Variants in TTC23 observed in about 807,000 individuals in gnomAD.
TTC23 encodes the protein tetratricopeptide repeat domain 23.
In TTC23, 58 loss-of-function variants were observed where a neutral mutation model predicts 55.1. The observed-to-expected ratio is 1.05, with a 90% CI of 0.85 to 1.31. The LOEUF is 1.31. Among genes scored for constraint, TTC23 ranks in the 50% most tolerant of loss-of-function variants. The pLI is 0.00. For synonymous variants in TTC23, 203 were observed against 199.9 expected, an observed-to-expected ratio of 1.02 and a Z score of -0.13; for missense variants, 516 against 534.4, an observed-to-expected ratio of 0.97 and a Z score of 0.34.
chr15:99,178,321 AATCCCT>A (rs1200850885), intron 9 of TTC23, among the ~76,000 whole-genome samples: 1 of 152,226 alleles, frequency 6.6e-6, no homozygotes, highest in Non-Finnish European at 1.5e-5. Flanking sequence ...TCAGAAACTC[AATCCCT>A]AATGTAATTT....
intron 8 of TTC23, among the ~76,000 whole-genome samples, chr15:99,216,104 T>A (rs1259683720): frequency 6.6e-6 from 1 of 152,180 alleles, no homozygotes; most frequent in Non-Finnish European, 1.5e-5. Context: ...AGGATATATA[T>A]AACAATGCAA....
Position 99,161,836 on chromosome 15 carries a change from C to G in TTC23, c.897G>C (p.Met299Ile). The G allele has an allele frequency of 1.2e-6, 2 of 1,611,584 alleles. No homozygotes were observed. The highest frequency in any genetic ancestry group is 2.2e-5 in the South Asian group (2 of 90,396). Reference protein sequence around the residue: ...DVAEQYFQESMAHLKDSEGMG... With the variant: ...DVAEQYFQESIAHLKDSEGMG... Reference sequence around the variant, plus strand: ...TCCCTTCAGAATCCTTAAGATGAGCCATGCTCTCTTGAAAATACTGCTCAG... The same window carrying G: ...TCCCTTCAGAATCCTTAAGATGAGCGATGCTCTCTTGAAAATACTGCTCAG... The change falls in exon 11 of 14, where the codon ATG (methionine) becomes ATC (isoleucine). Residue 299 changes from methionine to isoleucine, a missense_variant. Met to Ile is a conservative substitution (Grantham distance 10). Transcript: ENST00000394132.
rs772409756 is a variant in TTC23 at position 99,228,608 on chromosome 15, T to A, written c.105A>T (p.Thr35=). The change falls in exon 5 of 14, where the codon ACA becomes ACT. Residue 35 remains threonine (T), a synonymous_variant. Coordinates refer to ENST00000394132, the MANE Select transcript of TTC23 (RefSeq NM_001288615.3). ...TCTCTCGAGGAGGCTGGAATAGTGC[T>A]GTCTGAAGCAGCTTGTTTTGGAACT... The part of the protein sequence containing the change: ...RKKFQNKLLQ[T]ALFQPPREKL... The A allele has an allele frequency of 6.2e-7, 1 of 1,614,114 alleles. No individual in the cohort carries two copies. Among genetic ancestry groups the A allele is most frequent in the Non-Finnish European group, 8.5e-7 (1 of 1,179,978 alleles).
intron 12 of TTC23, among the ~76,000 whole-genome samples, chr15:99,152,063 G>A (rs1157312913): frequency 1.3e-5 from 2 of 152,192 alleles, no homozygotes; most frequent in African/African-American, 4.8e-5. Flanking sequence ...GAGGTGACTG[G>A]ATCCTACAGG....
chr15:99,144,113 A>G (rs2068551324), intron 12 of TTC23, among the ~76,000 whole-genome samples: 1 of 152,238 alleles, frequency 6.6e-6, no homozygotes, highest in Non-Finnish European at 1.5e-5. Flanking sequence ...TCATTCGGAA[A>G]GCTGGGGTAG....
chr15:99,178,247 T>G (rs1207925979), intron 9 of TTC23, among the ~76,000 whole-genome samples: 1 of 152,202 alleles, frequency 6.6e-6, no homozygotes, highest in Non-Finnish European at 1.5e-5. Context: ...AAAATTTTCA[T>G]GACTTAAACA....
At chr15:99,139,042 C>G in intron 13 of TTC23, 1 of 482,724 alleles carries the variant, frequency 2.1e-6, no homozygotes, top group Non-Finnish European at 3.8e-6. Context: ...GGGCCCTCCC[C>G]CTGCAGCAGG....
intron 12 of TTC23, among the ~76,000 whole-genome samples, chr15:99,145,696 CTCTT>C (rs1169213724): frequency 7.9e-5 from 12 of 152,272 alleles, no homozygotes; most frequent in Non-Finnish European, 1.6e-4. Flanking sequence ...CTGTCTCTCT[CTCTT>C]TCTTTCTCTG....
intron 10 of TTC23, among the ~76,000 whole-genome samples, chr15:99,162,318 A>G (rs1326076287): frequency 1.3e-5 from 2 of 152,254 alleles, no homozygotes; most frequent in African/African-American, 4.8e-5. Context: ...TCTGGAAAAT[A>G]TTGCTGACAT....
At position 99,224,927 on chromosome 15, in the gene TTC23, C is replaced by T. The variant is rs543775930; in HGVS notation, c.181-3063G>A. Among the ~76,000 whole-genome samples, 252 of 152,282 alleles carry T rather than the reference C, an allele frequency of 1.7e-3. 2 individuals carry two copies. The highest frequency in any genetic ancestry group is 5.8e-3 in the African/African-American group (240 of 41,550). ...CTGTTTGTACTTCTTTTGGGAATCA[C>T]CTTTTTATTGCCTCTAGACACAGGA... On this transcript the variant is annotated intron_variant, in intron 5 of 13. Coordinates refer to ENST00000394132, the MANE Select transcript of TTC23 (RefSeq NM_001288615.3).
At chr15:99,153,204 G>A (rs1292273493) in intron 12 of TTC23, among the ~76,000 whole-genome samples, 2 of 152,220 alleles carry the variant, frequency 1.3e-5, no homozygotes, top group Non-Finnish European at 1.5e-5. Context: ...TTTGGCATAT[G>A]GGTAATGTTT....
intron 9 of TTC23, among the ~76,000 whole-genome samples, chr15:99,176,781 A>G (rs2073607671): frequency 6.6e-6 from 1 of 152,218 alleles, no homozygotes; most frequent in African/African-American, 2.4e-5. Flanking sequence ...GAAAACTAAG[A>G]TTGCTGAATG....
chr15:99,223,801 G>T (rs947736090), intron 5 of TTC23, among the ~76,000 whole-genome samples: 1 of 152,196 alleles, frequency 6.6e-6, no homozygotes, highest in African/African-American at 2.4e-5. Context: ...TGCAAAAACC[G>T]CAGGCTCATG....
intron 8 of TTC23, among the ~76,000 whole-genome samples, chr15:99,209,927 A>T (rs2076911023): frequency 6.6e-6 from 1 of 151,928 alleles, no homozygotes; most frequent in Non-Finnish European, 1.5e-5. Flanking sequence ...ATTATGTATT[A>T]GTTGTATTAA....
At chr15:99,222,721 G>C (rs188323686) in intron 5 of TTC23, among the ~76,000 whole-genome samples, 44 of 152,274 alleles carry the variant, frequency 2.9e-4, no homozygotes, top group African/African-American at 1.0e-3. Context: ...TTCCAGGCTG[G>C]GCGTGGTGGC....
chr15:99,175,022 G>A (rs779894741), intron 10 of TTC23, 28 bp downstream of exon 10: 11 of 1,604,814 alleles, frequency 6.9e-6, no homozygotes, highest in African/African-American at 4.0e-5. Flanking sequence ...ATGCCTGTGA[G>A]ACAGGAAGAG....
chr15:99,224,868 T>C (rs1049758998), intron 5 of TTC23, among the ~76,000 whole-genome samples: 1 of 152,224 alleles, frequency 6.6e-6, no homozygotes, highest in South Asian at 2.1e-4. Flanking sequence ...TTCTCCCAAA[T>C]TGATGAGGCT....
At chr15:99,158,822 C>G (rs557039915) in intron 11 of TTC23, 1 of 152,468 alleles carries the variant, frequency 6.6e-6, no homozygotes. Flanking sequence ...TCCCTGGGCC[C>G]GGCCCTTGTT....
chr15:99,183,494 T>C (rs1283975080), intron 9 of TTC23, among the ~76,000 whole-genome samples: 5 of 131,276 alleles, frequency 3.8e-5, no homozygotes, highest in African/African-American at 1.2e-4. Context: ...GCTGATTTTT[T>C]GTATTTTTTT....
Sources: allele counts gnomAD v4.1 joint callset (sites outside exome capture counted in the v4.1 genomes callset), GRCh38; gene constraint gnomAD v4.1.1; transcripts MANE v1.5; gene names NCBI Gene and HGNC (gene_info 2026-07-23, HGNC 2026-07-21).